The following ABCC8 variants were observed in gnomAD, a reference collection of about 807,000 sequenced individuals.
The protein encoded by ABCC8 is ATP binding cassette subfamily C member 8, also known as ATP-binding cassette sub-family C member 8.
ABCC8 carries 137 observed loss-of-function variants against 188.0 expected under a neutral mutation model. That is an observed-to-expected ratio of 0.73 (90% confidence interval 0.63 to 0.84). ABCC8 has a LOEUF of 0.84. Among genes scored for constraint, ABCC8 ranks in the 40% least tolerant of loss-of-function variants. ABCC8 has a pLI of 0.00. For synonymous variants in ABCC8, 797 were observed against 846.5 expected (o/e 0.94, Z 1.01); for missense variants, 1,750 against 2,072.7 (o/e 0.84, Z 3.02).
chr11:17,432,138 G>GC (rs1955875902), intron 11 of ABCC8, 66 bp downstream of exon 11: 1 of 1,545,644 alleles, frequency 6.5e-7, no homozygotes, highest in Non-Finnish European at 8.8e-7. Context: ...AATCTGGGCA[G>GC]CCTGTCACTG....
chr11:17,432,071 C>A (rs1185906700), intron 11 of ABCC8, 133 bp downstream of exon 11: 2 of 1,264,342 alleles, frequency 1.6e-6, no homozygotes, highest in Non-Finnish European at 2.2e-6. Flanking sequence ...AACTTTCGAT[C>A]CTATTTTCAG....
At chr11:17,407,651 ATCCC>A in intron 23 of ABCC8, 198 bp from the exon 24 acceptor site, 8 of 544,118 alleles carry the variant, frequency 1.5e-5, no homozygotes, top group South Asian at 8.0e-5. Flanking sequence ...GCACCCCCAT[ATCCC>A]TGTGGGGAAC....
rs1399300298 is a variant in ABCC8, at chr11:17,404,764, T to C, written c.3400-95A>G. The C allele has an allele frequency of 6.6e-7, 1 of 1,516,692 alleles. No homozygotes were observed. The highest frequency in any genetic ancestry group is 8.9e-7 in the Non-Finnish European group (1 of 1,119,378). 94.0% of individuals were successfully genotyped at this position (1,516,692 alleles called of 1,614,324 possible). A position where few individuals can be genotyped will look rare whatever the true frequency, so the allele number is the denominator to read the frequency against. ...CCATGTTTTGCTCTCACTTTATTTT[T>C]TGATCCTTTATTTTTTTGAGACTGA... On this transcript the variant is annotated intron_variant, in intron 27 of 38. Coordinates refer to ENST00000389817, the MANE Select transcript of ABCC8 (RefSeq NM_000352.6). This position sits in a 1 kb window ranked among gnomAD's most constrained non-coding sequence, Gnocchi z 4.7.
chr11:17,463,456 G>T lies in ABCC8; in HGVS notation c.561C>A (p.Val187=). ...TGCTTACCCTCACCCTGATGACATT[G>T]ACCTCCACGAGGAGCAGCATCCCAT... ...ILYGMLLLVE[V]NVIRVRRYIF... is the part of the protein sequence containing the mutation. Residue 187 remains valine, a synonymous_variant, in exon 4 of 39, where the codon GTC becomes GTA. Transcript: ENST00000389817. The T allele has an allele frequency of 6.2e-7, 1 of 1,605,492 alleles. No individual in the cohort carries two copies. The highest frequency in any genetic ancestry group is 1.1e-5 in the South Asian group (1 of 88,850).
rs1013037149 is a variant in ABCC8, at chr11:17,396,670, C to T, written c.4119+246G>A. 22 of 549,356 alleles carry T rather than the reference C, an allele frequency of 4.0e-5. No homozygotes were observed. The Admixed American group carries it at 5.7e-4, about 14-fold the overall frequency. The allele number at this position is 549,356 out of a possible 1,614,324, so 34.0% of individuals were successfully genotyped here. A position where few individuals can be genotyped will look rare whatever the true frequency, so the allele number is the denominator to read the frequency against. On this transcript the variant is annotated intron_variant, in intron 33 of 38. Coordinates refer to ENST00000389817, the MANE Select transcript of ABCC8 (RefSeq NM_000352.6). ...AAAGCCCGTGTGAGCTGGGGGAGTC[C>T]AGAGTGTCGGTCTCCTTGGTGGATG...
intron 2 of ABCC8, among the ~76,000 whole-genome samples, 157 bp downstream of exon 2, chr11:17,474,729 A>G (rs1302258669): frequency 6.6e-6 from 1 of 152,150 alleles, no homozygotes; most frequent in Non-Finnish European, 1.5e-5. Context: ...TCCAGTGCCC[A>G]GCTCAGAGAG....
chr11:17,418,325 T>A (rs1270759750), intron 16 of ABCC8, among the ~76,000 whole-genome samples: 3 of 152,128 alleles, frequency 2.0e-5, no homozygotes, highest in Non-Finnish European at 4.4e-5. Flanking sequence ...AAATCAAGGA[T>A]GGAAATGAGC....
In ABCC8 at chr11:17,428,284, C is replaced by G. The variant is rs1376638095; in HGVS notation, c.2040+5G>C. On this transcript the variant is annotated splice_donor_5th_base_variant and intron_variant, in intron 14 of 38. Coordinates refer to ENST00000389817, the MANE Select transcript of ABCC8 (RefSeq NM_000352.6). Reference sequence around the variant, plus strand: ...GGTGGCCAGGCATGGGGCAGCAGGACTCACCTGGACACAGCAGTTGTCAGC... The same window carrying G: ...GGTGGCCAGGCATGGGGCAGCAGGAGTCACCTGGACACAGCAGTTGTCAGC... 6.2e-7 allele frequency: 1 copy of G among 1,614,128 alleles called. No homozygotes were observed. The highest frequency in any genetic ancestry group is 8.5e-7 in the Non-Finnish European group (1 of 1,180,050).
At chr11:17,394,421 G>T (rs1037433657) in intron 36 of ABCC8, 22 bp from the exon 37 acceptor site, 2 of 1,614,016 alleles carry the variant, frequency 1.2e-6, no homozygotes, top group Non-Finnish European at 1.7e-6. Context: ...CCGGGGAGAT[G>T]AAGTAGGACT....
At chr11:17,448,156 C>G (rs1956611937) in intron 8 of ABCC8, 2 of 274,438 alleles carry the variant, frequency 7.3e-6, no homozygotes, top group African/African-American at 4.4e-5. Context: ...CACTGTGTTG[C>G]CCAGGCCAGT....
chr11:17,393,883 C>T (rs1158606453), intron 37 of ABCC8, 124 bp from the exon 38 acceptor site: 1 of 1,591,318 alleles, frequency 6.3e-7, no homozygotes, highest in Non-Finnish European at 8.6e-7. Flanking sequence ...TAGTCCCACC[C>T]CCACCCCACA....
chr11:17,439,141 G>A (rs1202703972), intron 10 of ABCC8, among the ~76,000 whole-genome samples: 1 of 151,784 alleles, frequency 6.6e-6, no homozygotes, highest in African/African-American at 2.4e-5. Context: ...AACATCCACT[G>A]AGCAACTTAT....
chr11:17,460,647 G>A lies in ABCC8; in HGVS notation c.852C>T (p.Ala284=). The A allele has an allele frequency of 6.2e-7, 1 of 1,610,966 alleles. No individual in the cohort carries two copies. Among genetic ancestry groups the A allele is most frequent in the Non-Finnish European group, 8.5e-7 (1 of 1,180,018 alleles). ...VRKDIQGTQG[A]RAIWQALSHA... ...GGCTGAGTGCCTGCCAGATGGCCCG[G>A]GCACCTTGAGTGCCCTGAATGTCCT... Residue 284 remains alanine, a synonymous_variant, in exon 6 of 39, where the codon GCC becomes GCT. Coordinates refer to ENST00000389817, the MANE Select transcript of ABCC8 (RefSeq NM_000352.6).
rs35910048 is a variant in ABCC8 at position 17,446,444 on chromosome 11, C to CA, written c.1332+2071dup. 6.1e-4 allele frequency among the ~76,000 whole-genome samples: 91 copies of CA among 149,926 alleles called. No homozygotes were observed. The East Asian group carries it at 7.6e-3, about 13-fold the overall frequency. On this transcript the variant is annotated intron_variant, in intron 8 of 38. Transcript: ENST00000389817. ...TCAGAAATCTTCATTTTTCATGTTT[C>CA]AAAAAAAAAATTGTGTTAGAGATGA... is the stretch of plus-strand genomic sequence containing the variant.
chr11:17,450,084 T>C (rs948000756), intron 7 of ABCC8, among the ~76,000 whole-genome samples: 1 of 152,248 alleles, frequency 6.6e-6, no homozygotes, highest in African/African-American at 2.4e-5. Flanking sequence ...CTAGTAATTA[T>C]GTATAATTCA....
intron 5 of ABCC8, 172 bp from the exon 6 acceptor site, chr11:17,460,848 G>A: frequency 2.0e-5 from 27 of 1,373,426 alleles, no homozygotes; most frequent in Non-Finnish European, 2.5e-5. Flanking sequence ...GCACAGTTGG[G>A]AGGGCCCTAT....
At chr11:17,414,060 A>G (rs1183342675) in intron 19 of ABCC8, among the ~76,000 whole-genome samples, 1 of 152,180 alleles carries the variant, frequency 6.6e-6, no homozygotes, top group Non-Finnish European at 1.5e-5. Context: ...GTAGAGTGGG[A>G]ATAACAATAA....
intron 21 of ABCC8, 149 bp from the exon 22 acceptor site, chr11:17,410,802 C>A: frequency 7.8e-7 from 1 of 1,284,204 alleles, no homozygotes; most frequent in Non-Finnish European, 1.1e-6. Context: ...ACTCACCCAA[C>A]CTCTCTGGGC....
chr11:17,432,385 T>G, intron 10 of ABCC8, 141 bp from the exon 11 acceptor site: 10 of 1,501,770 alleles, frequency 6.7e-6, no homozygotes, highest in African/African-American at 1.4e-5. Context: ...GGCAGAACTC[T>G]AGCCCTGTGG....
Sources: allele counts gnomAD v4.1 joint callset (sites outside exome capture counted in the v4.1 genomes callset), GRCh38; gene constraint gnomAD v4.1.1; non-coding constraint Gnocchi (gnomAD v3.1); transcripts MANE v1.5; gene names NCBI Gene and HGNC (gene_info 2026-07-23, HGNC 2026-07-21).